Variants in ABCA13 observed in about 807,000 individuals in gnomAD.
ABCA13 encodes the protein ATP-binding cassette sub-family A member 13.
A neutral mutation model predicts 478.7 loss-of-function variants in ABCA13; 476 were observed. The ratio of observed to expected loss-of-function variants is 0.99; its 90% CI spans 0.92 to 1.07. ABCA13 has a LOEUF of 1.07. Among genes scored for constraint, ABCA13 ranks in the 50% least tolerant of loss-of-function variants. The pLI, the probability that ABCA13 is intolerant of heterozygous loss-of-function variation, is 0.00. For synonymous variants in ABCA13, 2,252 were observed against 2,158.9 expected, an observed-to-expected ratio of 1.04 and a Z score of -1.20; for missense variants, 6,060 against 5,910.6, an observed-to-expected ratio of 1.03 and a Z score of -0.83.
intron 38 of ABCA13, among the ~76,000 whole-genome samples, chr7:48,401,888 G>A (rs879386183): frequency 2.6e-5 from 4 of 152,094 alleles, no homozygotes; most frequent in African/African-American, 4.8e-5. Context: ...GAACCAGATC[G>A]GTCAGTTTAA....
At chr7:48,316,911 G>A (rs1352378092) in intron 26 of ABCA13, among the ~76,000 whole-genome samples, 1 of 152,156 alleles carries the variant, frequency 6.6e-6, no homozygotes, top group African/African-American at 2.4e-5. Context: ...ACATTCATGA[G>A]GGATCTGCCC....
chr7:48,178,997 T>C (rs962899294), intron 1 of ABCA13, among the ~76,000 whole-genome samples: 14 of 147,640 alleles, frequency 9.5e-5, no homozygotes, highest in East Asian at 3.9e-4. Context: ...ATAATAATAA[T>C]AATAATAATA....
rs940760729 is a variant in ABCA13 at position 48,330,345 on chromosome 7, ACATC to A, written c.10000-5062_10000-5059del. On this transcript the variant is annotated intron_variant, in intron 27 of 61. Transcript: ENST00000435803. Reference sequence around the variant, plus strand: ...CCCATACACCCATTCAGTCATCCACACATCCATCCATCCATCCACCCATCCATCC... The same window carrying A: ...CCCATACACCCATTCAGTCATCCACACATCCATCCATCCACCCATCCATCC... Among the ~76,000 whole-genome samples the A allele has an allele frequency of 9.1e-5, 12 of 132,306 alleles. No homozygotes were observed. The East Asian group carries it at 1.4e-3, about 16-fold the overall frequency. The allele number at this position is 132,306 out of a possible 152,430, so 86.8% of individuals were successfully genotyped here.
chr7:48,558,527 A>G (rs1476770013), intron 55 of ABCA13, among the ~76,000 whole-genome samples: 1 of 151,992 alleles, frequency 6.6e-6, no homozygotes, highest in African/African-American at 2.4e-5. Flanking sequence ...TGAACTCCTG[A>G]CCTCAGGTGA....
intron 16 of ABCA13, among the ~76,000 whole-genome samples, chr7:48,271,334 G>A (rs1390465916): frequency 1.1e-5 from 1 of 87,460 alleles, no homozygotes. Flanking sequence ...TAGTATTGTT[G>A]AAAGAGCACT....
intron 43 of ABCA13, among the ~76,000 whole-genome samples, chr7:48,463,638 A>G (rs1385622071): frequency 6.6e-6 from 1 of 152,168 alleles, no homozygotes; most frequent in Non-Finnish European, 1.5e-5. Context: ...AGCAAATCCC[A>G]TAGAGCCCAA....
rs747485663 is a variant in ABCA13 at position 48,587,205 on chromosome 7, C to T, written c.14557C>T (p.Pro4853Ser). Residue 4853 changes from proline to serine, a missense_variant, in exon 57 of 62, where the codon CCT (proline) becomes TCT (serine). Physicochemically the swap from Pro to Ser is moderately conservative, Grantham distance 74 (BLOSUM62 -1). Coordinates refer to ENST00000435803, the MANE Select transcript of ABCA13 (RefSeq NM_152701.5). ...ACACCTCGAAGCCCACGCGGACAAA[C>T]CTGTGGCCACCTACAGTGGGGGAAC... ...RLHLEAHADK[P>S]VATYSGGTKR... The T allele has an allele frequency of 1.2e-6, 2 of 1,612,972 alleles. No individual in the cohort carries two copies. Among genetic ancestry groups the T allele is most frequent in the South Asian group, 2.2e-5 (2 of 90,734 alleles).
chr7:48,547,892 T>C (rs1784962685), intron 55 of ABCA13, among the ~76,000 whole-genome samples: 1 of 151,844 alleles, frequency 6.6e-6, no homozygotes, highest in African/African-American at 2.4e-5. Context: ...CATCTTCAAC[T>C]TACAGTATTT....
intron 1 of ABCA13, among the ~76,000 whole-genome samples, chr7:48,187,708 T>C (rs898030267): frequency 7.9e-5 from 12 of 152,046 alleles, no homozygotes; most frequent in Non-Finnish European, 1.5e-4. Flanking sequence ...ACAGTGATGA[T>C]TTTTTTGTTT....
At position 48,274,509 on chromosome 7, in the gene ABCA13, T is replaced by C; in HGVS notation, c.4843T>C (p.Ser1615Pro). 8 of 1,613,792 alleles carry C rather than the reference T, an allele frequency of 5.0e-6. No individual in the cohort carries two copies. The highest frequency in any genetic ancestry group is 6.8e-6 in the Non-Finnish European group (8 of 1,179,830). The change falls in exon 17 of 62, where the codon TCA becomes CCA. Residue 1615 changes from serine (S) to proline (P), a missense_variant. By Grantham distance (74) the Ser-to-Pro change is moderately conservative. Transcript: ENST00000435803. ...CAGCTTATCTCATGACCTCCAAAAT[T>C]CACCAAAAATAATAATTTCACCTGA... ...AFSLSHDLQN[S>P]PKIIISPEIM...
chr7:48,191,366 A>G (rs1797081670), intron 1 of ABCA13, among the ~76,000 whole-genome samples: 1 of 152,228 alleles, frequency 6.6e-6, no homozygotes, highest in Admixed American at 6.5e-5. Context: ...GTCACAAGAA[A>G]TACTTCCTCG....
chr7:48,508,356 G>A (rs1448305139), intron 50 of ABCA13, among the ~76,000 whole-genome samples: 1 of 152,114 alleles, frequency 6.6e-6, no homozygotes, highest in African/African-American at 2.4e-5. Flanking sequence ...TTTCAATGGG[G>A]TAGCAGATGA....
intron 31 of ABCA13, among the ~76,000 whole-genome samples, chr7:48,361,540 A>G (rs1047745470): frequency 6.6e-6 from 1 of 151,228 alleles, no homozygotes; most frequent in Non-Finnish European, 1.5e-5. Flanking sequence ...TTTTATTTTT[A>G]TTACTTCCTT....
chr7:48,633,350 C>T lies in ABCA13; in HGVS notation c.14838-9938C>T, dbSNP rs546217559. 5.3e-5 allele frequency among the ~76,000 whole-genome samples: 8 copies of T among 152,232 alleles called. No individual in the cohort carries two copies. The South Asian group carries it at 1.7e-3, about 32-fold the overall frequency. On this transcript the variant is annotated intron_variant, in intron 59 of 61. Transcript: ENST00000435803. ...GGGGACTTCAACACCCCACTGACAG[C>T]ATTAGACAGATAATTGAGGCAGAAA...
At chr7:48,525,114 A>C (rs1447025214) in intron 54 of ABCA13, among the ~76,000 whole-genome samples, 1 of 152,144 alleles carries the variant, frequency 6.6e-6, no homozygotes, top group Admixed American at 6.6e-5. Flanking sequence ...TCTACTTGTG[A>C]TCTGACAGTA....
intron 13 of ABCA13, 143 bp downstream of exon 13, chr7:48,246,173 T>G: frequency 2.3e-6 from 2 of 883,942 alleles, no homozygotes; most frequent in Non-Finnish European, 3.2e-6. Context: ...CTCTCTGAAC[T>G]CCAGCTGCCC....
At chr7:48,508,849 T>C (rs1831437084) in intron 50 of ABCA13, among the ~76,000 whole-genome samples, 1 of 152,240 alleles carries the variant, frequency 6.6e-6, no homozygotes. Context: ...CATGTTGCTT[T>C]CCTGTAAGGT....
At chr7:48,530,093 AAATTCATTGTATCATTCTTGT>A (rs1833122978) in intron 55 of ABCA13, among the ~76,000 whole-genome samples, 1 of 152,050 alleles carries the variant, frequency 6.6e-6, no homozygotes. Flanking sequence ...CAAGTCCCCA[AAATTCATTGTATCATTCTTGT>A]AATTCATTGT....
At position 48,379,816 on chromosome 7, in the gene ABCA13, G is replaced by A. The variant is rs527916280; in HGVS notation, c.11335+3244G>A. Among the ~76,000 whole-genome samples, 4 of 152,322 alleles carry A rather than the reference G, an allele frequency of 2.6e-5. No homozygotes were observed. The South Asian group carries it at 8.3e-4, about 32-fold the overall frequency. ...AAGTGAATAAAAGAATGATATTTTT[G>A]TAAATGACCTGGGTCTTTATTTAAA... On this transcript the variant is annotated intron_variant, in intron 35 of 61. Transcript: ENST00000435803.
Sources: gnomAD v4.1 joint callset for allele counts (sites outside exome capture counted in the v4.1 genomes callset) on GRCh38, gnomAD v4.1.1 for gene constraint, MANE v1.5 for transcripts, NCBI Gene and HGNC (gene_info 2026-07-23, HGNC 2026-07-21) for gene names.